The following AKAP7 variants were observed in gnomAD, a reference collection of about 807,000 sequenced individuals.
AKAP7 encodes A kinase (PRKA) anchor protein 7.
Under a neutral mutation model 39.5 loss-of-function variants are expected in AKAP7, and 39 were observed. The ratio of observed to expected loss-of-function variants is 0.99; its 90% CI spans 0.76 to 1.29. The LOEUF (loss-of-function observed/expected upper bound fraction) is 1.29. Ranked by LOEUF, AKAP7 falls within the 50% of genes most tolerant of loss-of-function variation. The pLI is 0.00. For missense variants in AKAP7, 414 were observed against 407.7 expected (o/e 1.02, Z -0.13); for synonymous variants, 140 against 139.1 (o/e 1.01, Z -0.05).
chr6:131,154,667 C>T (rs1802258694), intron 2 of AKAP7, among the ~76,000 whole-genome samples: 1 of 151,780 alleles, frequency 6.6e-6, no homozygotes, highest in East Asian at 1.9e-4. Context: ...AGAAAAAATT[C>T]AAAATATCCT....
chr6:131,213,419 A>T (rs368521142), intron 6 of AKAP7, among the ~76,000 whole-genome samples: 1 of 152,242 alleles, frequency 6.6e-6, no homozygotes, highest in African/African-American at 2.4e-5. Flanking sequence ...TTGTAAGTGT[A>T]TGTGGGAGAT....
rs1413477878 is a variant in AKAP7, at chr6:131,276,562, A to G, written c.851-4968A>G. 1.3e-5 allele frequency among the ~76,000 whole-genome samples: 2 copies of G among 152,170 alleles called. 1 individual carries two copies. The highest frequency in any genetic ancestry group is 1.3e-4 in the Admixed American group (2 of 15,276). On this transcript the variant is annotated intron_variant, in intron 7 of 7. Coordinates refer to ENST00000431975, the MANE Select transcript of AKAP7 (RefSeq NM_016377.4). Reference sequence around the variant, plus strand: ...AGAAAAGGTAAGCTCAGTTAAAAAAAAAAAATCCACTTCTGAGGAGGACAC... The same window carrying G: ...AGAAAAGGTAAGCTCAGTTAAAAAAGAAAAATCCACTTCTGAGGAGGACAC...
chr6:131,150,809 C>T (rs1801850979), intron 2 of AKAP7, among the ~76,000 whole-genome samples: 5 of 152,150 alleles, frequency 3.3e-5, no homozygotes, highest in Admixed American at 3.3e-4. Context: ...ATAATGGTAG[C>T]TGTCTCACAG....
intron 2 of AKAP7, among the ~76,000 whole-genome samples, chr6:131,154,863 T>C (rs1802280045): frequency 6.6e-6 from 1 of 152,160 alleles, no homozygotes. Flanking sequence ...TTTGGGTATG[T>C]GTATGTGTGT....
At chr6:131,163,484 A>G (rs1042052333) in intron 3 of AKAP7, among the ~76,000 whole-genome samples, 4 of 152,230 alleles carry the variant, frequency 2.6e-5, no homozygotes, top group African/African-American at 9.6e-5. Flanking sequence ...GTGACCTGCA[A>G]ACAAGCTTTT....
upstream of AKAP7, among the ~76,000 whole-genome samples, chr6:131,131,836 G>C (rs1800335926): frequency 6.6e-6 from 1 of 152,142 alleles, no homozygotes; most frequent in Non-Finnish European, 1.5e-5. Context: ...CCCTGTGACA[G>C]CAGTAGGACA....
chr6:131,169,307 C>T, intron 5 of AKAP7, 34 bp downstream of exon 5: 1 of 1,600,154 alleles, frequency 6.2e-7, no homozygotes, highest in Non-Finnish European at 8.5e-7. Flanking sequence ...GAAATCTTGT[C>T]TGTTGGAGAA....
At chr6:131,188,422 T>G (rs1028601489) in intron 5 of AKAP7, among the ~76,000 whole-genome samples, 1 of 152,250 alleles carries the variant, frequency 6.6e-6, no homozygotes, top group Non-Finnish European at 1.5e-5. Context: ...TTTTTCGTAT[T>G]ATATGTGACA....
At chr6:131,213,088 A>G (rs769934133) in intron 6 of AKAP7, among the ~76,000 whole-genome samples, 1 of 152,192 alleles carries the variant, frequency 6.6e-6, no homozygotes, top group African/African-American at 2.4e-5. Flanking sequence ...GTGGTTCCAT[A>G]CTTTTGACCT....
chr6:131,154,970 A>G (rs1802290966), intron 2 of AKAP7, among the ~76,000 whole-genome samples: 1 of 152,140 alleles, frequency 6.6e-6, no homozygotes, highest in South Asian at 2.1e-4. Context: ...AGTTAGATCA[A>G]GAGGCTTAAT....
At chr6:131,149,326 A>G (rs909222080) in intron 2 of AKAP7, among the ~76,000 whole-genome samples, 5 of 152,224 alleles carry the variant, frequency 3.3e-5, no homozygotes, top group Non-Finnish European at 7.3e-5. Flanking sequence ...TGCATGTACA[A>G]TGGAAATCTT....
Position 131,219,826 on chromosome 6 carries a change from A to C in AKAP7, c.850+18A>C, listed in dbSNP as rs9321278. On this transcript the variant is annotated intron_variant, in intron 7 of 7. Coordinates refer to ENST00000431975, the MANE Select transcript of AKAP7 (RefSeq NM_016377.4). Reference sequence around the variant, plus strand: ...TGTGATTGGTGAGTGTCATTTAAAAATTATTTATTATCTTTATTTTTAATT... The same window carrying C: ...TGTGATTGGTGAGTGTCATTTAAAACTTATTTATTATCTTTATTTTTAATT... The C allele has an allele frequency of 7.0e-7, 1 of 1,437,578 alleles. No individual in the cohort carries two copies. Among genetic ancestry groups the C allele is most frequent in the Non-Finnish European group, 9.2e-7 (1 of 1,087,568 alleles). The allele number at this position is 1,437,578 out of a possible 1,614,324, so 89.1% of individuals were successfully genotyped here.
At chr6:131,257,653 C>T (rs150309239) in intron 7 of AKAP7, among the ~76,000 whole-genome samples, 1 of 152,050 alleles carries the variant, frequency 6.6e-6, no homozygotes, top group Non-Finnish European at 1.5e-5. Flanking sequence ...GCCTGTCTTC[C>T]TTTTGGGTTG....
chr6:131,249,435 A>C (rs1812271956), intron 7 of AKAP7, among the ~76,000 whole-genome samples: 1 of 152,128 alleles, frequency 6.6e-6, no homozygotes, highest in African/African-American at 2.4e-5. Flanking sequence ...ATGATCATGA[A>C]AGTAGGTGGA....
At chr6:131,252,663 C>T (rs1354829208) in intron 7 of AKAP7, among the ~76,000 whole-genome samples, 1 of 152,156 alleles carries the variant, frequency 6.6e-6, no homozygotes, top group Non-Finnish European at 1.5e-5. Context: ...CTCAGCGTGC[C>T]TCAAGGAACA....
In AKAP7 at chr6:131,144,936, G is replaced by A. The variant is rs533256589; in HGVS notation, c.20-349G>A. 2.0e-5 allele frequency among the ~76,000 whole-genome samples: 3 copies of A among 152,282 alleles called. No individual in the cohort carries two copies. In the South Asian group the frequency reaches 6.2e-4, roughly 32 times the overall value. The stretch of plus-strand genomic sequence containing the variant: ...GCTAAAAATAAGAATGAGAATGACT[G>A]ACAAACCTTGCTGGTTGTTTTAAAA... On this transcript the variant is annotated intron_variant, in intron 1 of 7. Transcript: ENST00000431975.
At chr6:131,227,612 T>C (rs1423624287) in intron 7 of AKAP7, among the ~76,000 whole-genome samples, 2 of 151,962 alleles carry the variant, frequency 1.3e-5, no homozygotes, top group African/African-American at 4.8e-5. Context: ...GAGGATAGGG[T>C]TGGGCCAAGC....
chr6:131,228,418 C>A (rs1810366039), intron 7 of AKAP7, among the ~76,000 whole-genome samples: 1 of 152,038 alleles, frequency 6.6e-6, no homozygotes, highest in Non-Finnish European at 1.5e-5. Flanking sequence ...TTTTAGTTTG[C>A]TTTTTGCAGT....
At chr6:131,138,588 C>G (rs1800771932) in intron 1 of AKAP7, among the ~76,000 whole-genome samples, 1 of 152,160 alleles carries the variant, frequency 6.6e-6, no homozygotes, top group Non-Finnish European at 1.5e-5. Context: ...GAAAGGATTG[C>G]CTCCGTTTAC....
Sources: gnomAD v4.1 joint callset for allele counts (sites outside exome capture counted in the v4.1 genomes callset) on GRCh38, gnomAD v4.1.1 for gene constraint, MANE v1.5 for transcripts, NCBI Gene and HGNC (gene_info 2026-07-23, HGNC 2026-07-21) for gene names.